Variants in TRAF5 observed in about 807,000 individuals in gnomAD.
TRAF5 encodes TNF receptor associated factor 5, also known as TNF receptor-associated factor 5.
A neutral mutation model predicts 64.5 loss-of-function variants in TRAF5; 48 were observed. The ratio of observed to expected loss-of-function variants is 0.74; its 90% confidence interval spans 0.59 to 0.95. The LOEUF is 0.95. Among genes scored for constraint, TRAF5 ranks in the 40% least tolerant of loss-of-function variants. The probability of loss-of-function intolerance (pLI) is 0.00; values close to 1 mark genes in which losing one functional copy is unlikely to be tolerated. For missense variants in TRAF5, 545 were observed against 662.8 expected, an observed-to-expected ratio of 0.82 and a Z score of 1.95; for synonymous variants, 206 against 240.5, an observed-to-expected ratio of 0.86 and a Z score of 1.33.
intron 1 of TRAF5, among the ~76,000 whole-genome samples, chr1:211,340,735 C>G (rs1395321621): frequency 6.6e-6 from 1 of 152,226 alleles, no homozygotes; most frequent in Non-Finnish European, 1.5e-5. Flanking sequence ...ACCATCACAG[C>G]TGTAAATCAT....
intron 1 of TRAF5, among the ~76,000 whole-genome samples, chr1:211,334,758 A>G (rs1015061899): frequency 6.6e-6 from 1 of 152,220 alleles, no homozygotes; most frequent in Admixed American, 6.5e-5. Context: ...CCTTACTGAA[A>G]TCCATGTTCC....
intron 1 of TRAF5, among the ~76,000 whole-genome samples, chr1:211,343,192 C>T (rs985910174): frequency 1.3e-5 from 2 of 152,046 alleles, no homozygotes; most frequent in African/African-American, 2.4e-5. Flanking sequence ...AGAAACATAG[C>T]GACTAAGTAA....
Position 211,369,443 on chromosome 1 carries a change from T to C in TRAF5, c.790-9T>C. The C allele has an allele frequency of 1.3e-6, 2 of 1,572,666 alleles. No individual in the cohort carries two copies. Among genetic ancestry groups the C allele is most frequent in the South Asian group, 1.2e-5 (1 of 81,936 alleles). On this transcript the variant is annotated splice_polypyrimidine_tract_variant and intron_variant, in intron 8 of 10. Transcript: ENST00000261464. ...GTGACTTTATTTTTCCTCACGTTCC[T>C]GTTATTAGATTTCTGACTTACACAA...
chr1:211,336,571 G>A (rs1156635608), intron 1 of TRAF5, among the ~76,000 whole-genome samples: 1 of 152,246 alleles, frequency 6.6e-6, no homozygotes, highest in Non-Finnish European at 1.5e-5. Context: ...GCAGGAGAGA[G>A]GCTGCTCTGC....
Position 211,361,073 on chromosome 1 carries a change from C to G in TRAF5, c.622-15C>G. ...AGTGATGAATTTCTATAGCTTGTGACTATCCATTTCGTAGGTAGATGAACA... is the reference window on the plus strand; with the variant it reads ...AGTGATGAATTTCTATAGCTTGTGAGTATCCATTTCGTAGGTAGATGAACA... On this transcript the variant is annotated splice_polypyrimidine_tract_variant and intron_variant, in intron 6 of 10. Coordinates refer to ENST00000261464, the MANE Select transcript of TRAF5 (RefSeq NM_001033910.3). The G allele has an allele frequency of 1.2e-6, 2 of 1,613,168 alleles. No individual in the cohort carries two copies. The highest frequency in any genetic ancestry group is 1.7e-6 in the Non-Finnish European group (2 of 1,179,162).
chr1:211,356,456 G>C lies in TRAF5; in HGVS notation c.366G>C (p.Leu122=), dbSNP rs1386087438. 1.9e-6 allele frequency: 3 copies of C among 1,613,952 alleles called. No individual in the cohort carries two copies. Among genetic ancestry groups the C allele is most frequent in the Admixed American group, 1.7e-5 (1 of 60,024 alleles). ...NAPGCNAKVI[L]GRYQDHLQQC... ...CTGGATGTAATGCCAAGGTTATTCT[G>C]GGCCGGTACCAGGTTGGTATTACTC... The change falls in exon 4 of 11, where the codon CTG becomes CTC. Residue 122 remains leucine (L), a synonymous_variant. Transcript: ENST00000261464.
intron 1 of TRAF5, among the ~76,000 whole-genome samples, chr1:211,349,085 G>A (rs6682599): frequency 0.63 from 93,936 of 149,230 alleles, 32,040 homozygotes; most frequent in Non-Finnish European, 0.76. Context: ...GCACGCACCT[G>A]TAGTCCTAAC....
chr1:211,345,364 C>G (rs904328276), intron 1 of TRAF5, among the ~76,000 whole-genome samples: 6 of 151,928 alleles, frequency 3.9e-5, no homozygotes, highest in African/African-American at 9.7e-5. Context: ...CCTGCGCTCC[C>G]CCCCCCTCCT....
rs766106556 is a variant in TRAF5 at position 211,372,245 on chromosome 1, T to C, written c.1217T>C (p.Leu406Pro). 1.9e-6 allele frequency: 3 copies of C among 1,613,986 alleles called. No individual in the cohort carries two copies. Among genetic ancestry groups the C allele is most frequent in the Admixed American group, 1.7e-5 (1 of 60,014 alleles). ...LLEGTCYNGK[L>P]IWKVTDYKMK... The stretch of plus-strand genomic sequence containing the variant: ...GAGGGTACTTGCTATAATGGAAAGC[T>C]CATTTGGAAGGTGACAGATTACAAG... The change falls in exon 11 of 11, where the codon CTC becomes CCC. Residue 406 changes from leucine to proline, a missense_variant. Leu to Pro is a moderately conservative substitution (Grantham distance 98). Transcript: ENST00000261464.
chr1:211,361,100 C>G lies in TRAF5; in HGVS notation c.634C>G (p.Leu212Val), dbSNP rs1362790549. ...ATCCATTTCGTAGGTAGATGAACAC[C>G]TGGCTGTATGTCCTGAAGCTGAGCA... ...IILKTEVDEH[L>V]AVCPEAEQDC... Residue 212 changes from leucine to valine, a missense_variant, in exon 7 of 11, where the codon CTG (leucine) becomes GTG (valine). Physicochemically the swap from Leu to Val is conservative, Grantham distance 32. Transcript: ENST00000261464. 2 of 1,614,022 alleles carry G rather than the reference C, an allele frequency of 1.2e-6. No individual in the cohort carries two copies. The highest frequency in any genetic ancestry group is 1.7e-5 in the Admixed American group (1 of 59,998).
chr1:211,366,156 C>T (rs1037445277), intron 8 of TRAF5, among the ~76,000 whole-genome samples: 11 of 151,952 alleles, frequency 7.2e-5, no homozygotes, highest in Admixed American at 7.2e-4. Context: ...CTTTTCAAGC[C>T]CAGGTAGGGA....
At chr1:211,365,869 T>C (rs1020294421) in intron 8 of TRAF5, among the ~76,000 whole-genome samples, 2 of 152,228 alleles carry the variant, frequency 1.3e-5, no homozygotes, top group Non-Finnish European at 1.5e-5. Context: ...GATGTTTCAG[T>C]TAAATTAATA....
chr1:211,342,504 TTTAG>T (rs1702474908), intron 1 of TRAF5, among the ~76,000 whole-genome samples: 2 of 152,252 alleles, frequency 1.3e-5, no homozygotes, highest in Non-Finnish European at 2.9e-5. Context: ...TCCCAATTCT[TTTAG>T]TTATTTTTAA....
rs531077569 is a variant in TRAF5, at chr1:211,370,570, T to C, written c.931-732T>C. On this transcript the variant is annotated intron_variant, in intron 9 of 10. Transcript: ENST00000261464. ...AAAATATCGTAAGTCAAAAATGTGT[T>C]TGATACACCTAACCTATTAAACATC... Among the ~76,000 whole-genome samples, 8 of 152,350 alleles carry C rather than the reference T, an allele frequency of 5.3e-5. 1 individual carries two copies. In the South Asian group the frequency reaches 1.2e-3, roughly 24 times the overall value.
At chr1:211,360,947 C>A in intron 6 of TRAF5, 141 bp from the exon 7 acceptor site, 1 of 1,014,156 alleles carries the variant, frequency 9.9e-7, no homozygotes, top group Non-Finnish European at 1.5e-6. Context: ...CTCTCTTCAA[C>A]TTTCATCATA....
intron 1 of TRAF5, among the ~76,000 whole-genome samples, chr1:211,350,322 C>G (rs1048691145): frequency 1.3e-3 from 2 of 1,532 alleles, no homozygotes; most frequent in Non-Finnish European, 0.021. Flanking sequence ...TCAAGTGATC[C>G]CCCCCTGCCT....
At chr1:211,345,871 A>G (rs971871093) in intron 1 of TRAF5, among the ~76,000 whole-genome samples, 5 of 152,144 alleles carry the variant, frequency 3.3e-5, no homozygotes, top group African/African-American at 1.2e-4. Context: ...CACTCTTCCC[A>G]TCCCAGTGCC....
At position 211,365,413 on chromosome 1, in the gene TRAF5, C is replaced by T. The variant is rs147658016; in HGVS notation, c.734C>T (p.Ala245Val). 1.2e-5 allele frequency: 20 copies of T among 1,613,838 alleles called. No individual in the cohort carries two copies. In the African/African-American group the frequency reaches 2.7e-4, roughly 22 times the overall value. The change falls in exon 8 of 11, where the codon GCC (alanine) becomes GTC (valine). Residue 245 changes from alanine (A) to valine (V), a missense_variant. Physicochemically the swap from Ala to Val is moderately conservative, Grantham distance 64. Transcript: ENST00000261464. ...AACCTGCAGCAACATGAGCATTCAG[C>T]CTTACGGGAGCACATGCGTTTGGTT... Reference protein sequence around the residue: ...RRNLQQHEHSALREHMRLVLE... With the variant: ...RRNLQQHEHSVLREHMRLVLE...
chr1:211,354,676 C>G (rs1702906874), intron 3 of TRAF5, among the ~76,000 whole-genome samples: 1 of 152,128 alleles, frequency 6.6e-6, no homozygotes, highest in South Asian at 2.1e-4. Flanking sequence ...CTCCTCCACC[C>G]CAAGTCTCCT....
Sources: allele counts gnomAD v4.1 joint callset (sites outside exome capture counted in the v4.1 genomes callset), GRCh38; gene constraint gnomAD v4.1.1; transcripts MANE v1.5; gene names NCBI Gene and HGNC (gene_info 2026-07-23, HGNC 2026-07-21).